The following NEK11 variants were observed in gnomAD, a reference collection of about 807,000 sequenced individuals.
NEK11 encodes the protein NIMA related kinase 11.
A neutral mutation model predicts 80.7 loss-of-function variants in NEK11; 72 were observed. The ratio of observed to expected loss-of-function variants is 0.89; its 90% CI spans 0.74 to 1.08. The LOEUF is 1.08. Among genes scored for constraint, NEK11 ranks in the 50% least tolerant of loss-of-function variants. The probability of loss-of-function intolerance (pLI) is 0.00; values close to 1 mark genes in which losing one functional copy is unlikely to be tolerated. For synonymous variants in NEK11, 251 were observed against 260.7 expected (o/e 0.96, Z 0.36); for missense variants, 764 against 763.6 (o/e 1.00, Z -0.01).
chr3:131,086,971 C>T lies in NEK11; in HGVS notation c.336+6383C>T, dbSNP rs1029435717. ...AGCAAATTATTTCATTTCTCTGACCCGTTTTTCTTAAGAGAGTATAACATA... is the reference window on the plus strand; with the variant it reads ...AGCAAATTATTTCATTTCTCTGACCTGTTTTTCTTAAGAGAGTATAACATA... On this transcript the variant is annotated intron_variant, in intron 4 of 17. Transcript: ENST00000383366. Among the ~76,000 whole-genome samples the T allele has an allele frequency of 3.3e-5, 5 of 152,138 alleles. 1 individual carries two copies. In the South Asian group the frequency reaches 6.2e-4, roughly 19 times the overall value.
chr3:131,215,056 A>C (rs949095195), intron 14 of NEK11, among the ~76,000 whole-genome samples: 1 of 152,014 alleles, frequency 6.6e-6, no homozygotes, highest in Non-Finnish European at 1.5e-5. Flanking sequence ...ACTGATGTGC[A>C]CCCCCATCCT....
At chr3:131,201,062 A>G (rs1353103243) in intron 14 of NEK11, among the ~76,000 whole-genome samples, 1 of 152,142 alleles carries the variant, frequency 6.6e-6, no homozygotes, top group Non-Finnish European at 1.5e-5. Flanking sequence ...CTGTAACAAC[A>G]TAGATAAATC....
At chr3:131,180,175 T>C (rs112892918) in intron 14 of NEK11, among the ~76,000 whole-genome samples, 2,549 of 152,242 alleles carry the variant, frequency 0.017, 67 homozygotes, top group African/African-American at 0.058. Context: ...ATTACTTCCT[T>C]GCAATTTCAT....
chr3:131,332,599 G>A (rs1159926453), intron 17 of NEK11, among the ~76,000 whole-genome samples: 109 of 152,320 alleles, frequency 7.2e-4, no homozygotes, highest in African/African-American at 1.0e-3. Context: ...CACCAGCAAC[G>A]GAACAAAGCT....
intron 7 of NEK11, among the ~76,000 whole-genome samples, chr3:131,140,736 C>T (rs1165290450): frequency 6.6e-6 from 1 of 152,146 alleles, no homozygotes. Flanking sequence ...CAATCTGGCA[C>T]TCTACTTGCT....
chr3:131,213,489 T>C (rs2094704169), intron 14 of NEK11, among the ~76,000 whole-genome samples: 1 of 152,188 alleles, frequency 6.6e-6, no homozygotes, highest in South Asian at 2.1e-4. Context: ...CCAATGTACA[T>C]GACAGAAACT....
At chr3:131,236,409 T>A (rs2095431890) in intron 15 of NEK11, among the ~76,000 whole-genome samples, 1 of 152,186 alleles carries the variant, frequency 6.6e-6, no homozygotes, top group African/African-American at 2.4e-5. Context: ...TTCTAAACCG[T>A]AATTCTAAAT....
intron 3 of NEK11, among the ~76,000 whole-genome samples, chr3:131,047,743 T>A (rs2067636107): frequency 6.6e-6 from 1 of 152,158 alleles, no homozygotes; most frequent in Non-Finnish European, 1.5e-5. Context: ...ACTAGTTTTG[T>A]GTTGGTTGGC....
intron 11 of NEK11, 52 bp from the exon 12 acceptor site, chr3:131,165,374 C>A: frequency 8.9e-7 from 1 of 1,123,478 alleles, no homozygotes; most frequent in Non-Finnish European, 1.3e-6. Context: ...ATAATATAGA[C>A]ATGGTTTTAG....
chr3:131,308,312 C>T (rs1241356833), intron 17 of NEK11, among the ~76,000 whole-genome samples: 13 of 152,192 alleles, frequency 8.5e-5, no homozygotes, highest in Admixed American at 7.9e-4. Context: ...TAGAATCTTA[C>T]CCATAATAGT....
At chr3:131,132,542 C>A (rs1464165464) in intron 5 of NEK11, among the ~76,000 whole-genome samples, 1 of 151,960 alleles carries the variant, frequency 6.6e-6, no homozygotes, top group Admixed American at 6.6e-5. Context: ...GTTCCCCAAC[C>A]TTTAAAATCT....
chr3:131,347,584 T>A (rs902740543), intron 17 of NEK11, among the ~76,000 whole-genome samples: 6 of 152,204 alleles, frequency 3.9e-5, no homozygotes, highest in Non-Finnish European at 5.9e-5. Context: ...AATGTTATTA[T>A]CAACATTACC....
At chr3:131,269,543 C>T (rs144157723) in intron 16 of NEK11, among the ~76,000 whole-genome samples, 2,704 of 152,258 alleles carry the variant, frequency 0.018, 79 homozygotes, top group African/African-American at 0.061. Context: ...TTCAGCTCAC[C>T]CTCTGTGGGC....
At chr3:131,175,968 T>C (rs1172484301) in intron 14 of NEK11, among the ~76,000 whole-genome samples, 1 of 152,196 alleles carries the variant, frequency 6.6e-6, no homozygotes. Flanking sequence ...TTTGAGACTT[T>C]CTTCTAGCAT....
intron 7 of NEK11, among the ~76,000 whole-genome samples, chr3:131,149,551 T>G (rs1447614646): frequency 6.6e-6 from 1 of 152,010 alleles, no homozygotes; most frequent in Non-Finnish European, 1.5e-5. Flanking sequence ...AAATAAGAAA[T>G]TATCTCTGTT....
intron 3 of NEK11, among the ~76,000 whole-genome samples, chr3:131,045,813 T>C (rs1436841016): frequency 6.6e-6 from 1 of 152,162 alleles, no homozygotes; most frequent in African/African-American, 2.4e-5. Context: ...ATGTTTAGGA[T>C]TGTGATATTT....
chr3:131,084,442 C>T (rs2075716618), intron 4 of NEK11, among the ~76,000 whole-genome samples: 1 of 152,102 alleles, frequency 6.6e-6, no homozygotes, highest in Non-Finnish European at 1.5e-5. Flanking sequence ...GTATTTTGTC[C>T]TACCTTACTG....
intron 17 of NEK11, among the ~76,000 whole-genome samples, chr3:131,311,737 G>A (rs2096784294): frequency 6.6e-6 from 1 of 152,160 alleles, no homozygotes; most frequent in Admixed American, 6.5e-5. Flanking sequence ...TGAGACTTGA[G>A]AGCAGCACTG....
At chr3:131,108,912 A>G (rs2079620471) in intron 4 of NEK11, among the ~76,000 whole-genome samples, 1 of 152,122 alleles carries the variant, frequency 6.6e-6, no homozygotes, top group Non-Finnish European at 1.5e-5. Context: ...AGCTATATGC[A>G]CAATATAAGT....
Sources: allele counts gnomAD v4.1 joint callset (sites outside exome capture counted in the v4.1 genomes callset), GRCh38; gene constraint gnomAD v4.1.1; transcripts MANE v1.5; gene names NCBI Gene and HGNC (gene_info 2026-07-23, HGNC 2026-07-21).